PALS2: variants seen among roughly 807,000 people sequenced by gnomAD.
PALS2 encodes the protein protein associated with LIN7 2, MAGUK p55 family member.
A neutral mutation model predicts 61.6 loss-of-function variants in PALS2; 27 were observed. That is an observed-to-expected ratio of 0.44 (90% CI 0.32 to 0.60). PALS2 has a LOEUF of 0.60. Among genes scored for constraint, PALS2 ranks in the 20% least tolerant of loss-of-function variants. The probability of loss-of-function intolerance (pLI) is 0.05; values close to 1 mark genes in which losing one functional copy is unlikely to be tolerated. For synonymous variants in PALS2, 236 were observed against 218.6 expected, an observed-to-expected ratio of 1.08 and a Z score of -0.70; for missense variants, 554 against 639.4, an observed-to-expected ratio of 0.87 and a Z score of 1.44.
chr7:24,576,348 G>C (rs573755188), intron 1 of PALS2, among the ~76,000 whole-genome samples: 25 of 152,208 alleles, frequency 1.6e-4, no homozygotes, highest in Middle Eastern at 3.4e-3. Flanking sequence ...TCTGACCACT[G>C]GGGGGAGACT....
At chr7:24,686,266 C>A (rs1458860953) in intron 11 of PALS2, among the ~76,000 whole-genome samples, 1 of 152,136 alleles carries the variant, frequency 6.6e-6, no homozygotes, top group Non-Finnish European at 1.5e-5. Flanking sequence ...CCTAGGCAAC[C>A]CTTCTCTCTG....
chr7:24,581,400 C>T (rs186390818), intron 1 of PALS2, among the ~76,000 whole-genome samples: 2 of 152,190 alleles, frequency 1.3e-5, no homozygotes, highest in Admixed American at 6.5e-5. Flanking sequence ...TGAAACTTTC[C>T]AAATGCGGTG....
Position 24,618,831 on chromosome 7 carries a change from G to A in PALS2, c.-2-4835G>A, listed in dbSNP as rs74918908. On this transcript the variant is annotated intron_variant, in intron 1 of 11. Transcript: ENST00000222644. This position sits in a 1 kb window ranked among gnomAD's most constrained non-coding sequence, Gnocchi z 5.1. ...CCTCTCCACTTCCCTGCTGTACTTCGGCACTCTCCCTTCAACACTCCAGTC... is the reference window on the plus strand; with the variant it reads ...CCTCTCCACTTCCCTGCTGTACTTCAGCACTCTCCCTTCAACACTCCAGTC... Among the ~76,000 whole-genome samples, 9,600 of 152,138 alleles carry A rather than the reference G, an allele frequency of 0.063. 353 individuals are homozygous for A. Among genetic ancestry groups the A allele is most frequent in the African/African-American group, 0.093 (3,857 of 41,504 alleles).
intron 2 of PALS2, chr7:24,624,142 G>T: frequency 1.6e-6 from 2 of 1,286,418 alleles, no homozygotes; most frequent in South Asian, 2.6e-5. Context: ...ATTAGACTGT[G>T]TACCTACTTT....
At chr7:24,647,596 C>G (rs1785909309) in intron 3 of PALS2, among the ~76,000 whole-genome samples, 1 of 152,146 alleles carries the variant, frequency 6.6e-6, no homozygotes, top group Non-Finnish European at 1.5e-5. Context: ...TTCTGTTCTA[C>G]ATTATTAGCT....
chr7:24,670,522 G>T (rs1787244035), intron 9 of PALS2, among the ~76,000 whole-genome samples: 1 of 152,060 alleles, frequency 6.6e-6, no homozygotes, highest in Non-Finnish European at 1.5e-5. Flanking sequence ...ACCTTGTTTT[G>T]CTGGGGTACA....
intron 1 of PALS2, among the ~76,000 whole-genome samples, chr7:24,583,058 C>G (rs553861623): frequency 6.6e-6 from 1 of 151,714 alleles, no homozygotes; most frequent in African/African-American, 2.4e-5. Flanking sequence ...CCACGCCCAG[C>G]TAATTTTTGT....
At chr7:24,639,405 TACACACACAC>T (rs10607962) in intron 2 of PALS2, among the ~76,000 whole-genome samples, 2 of 148,548 alleles carry the variant, frequency 1.3e-5, no homozygotes, top group African/African-American at 4.9e-5. Flanking sequence ...CTTTGCTGAA[TACACACACAC>T]ACACACACAC....
intron 1 of PALS2, among the ~76,000 whole-genome samples, chr7:24,583,795 A>T (rs924541640): frequency 6.6e-6 from 1 of 151,722 alleles, no homozygotes; most frequent in Non-Finnish European, 1.5e-5. Flanking sequence ...ATATCTCCCA[A>T]TGCTATCCCT....
chr7:24,613,447 C>G (rs528541555), intron 1 of PALS2, among the ~76,000 whole-genome samples: 1 of 151,526 alleles, frequency 6.6e-6, no homozygotes, highest in East Asian at 1.9e-4. Context: ...TTATTTGTGT[C>G]TTGCCTTTTT....
At chr7:24,674,417 G>A (rs1346477615) in intron 9 of PALS2, 2 of 153,208 alleles carry the variant, frequency 1.3e-5, no homozygotes, top group Non-Finnish European at 2.9e-5. Flanking sequence ...GCTCACCACA[G>A]TGCTGATCTT....
chr7:24,636,925 G>A (rs1291961164), intron 2 of PALS2, among the ~76,000 whole-genome samples: 3 of 151,872 alleles, frequency 2.0e-5, no homozygotes, highest in Non-Finnish European at 4.4e-5. Flanking sequence ...AATTTTATTG[G>A]GCCTTTTTTG....
intron 2 of PALS2, among the ~76,000 whole-genome samples, chr7:24,630,345 AG>A (rs754496941): frequency 2.0e-5 from 3 of 152,056 alleles, no homozygotes; most frequent in South Asian, 4.2e-4. Context: ...TTGGGAGGCA[AG>A]GGGAGGGGGG....
chr7:24,639,729 C>G (rs763687418), intron 2 of PALS2, among the ~76,000 whole-genome samples: 2 of 147,818 alleles, frequency 1.4e-5, no homozygotes, highest in Non-Finnish European at 3.0e-5. Context: ...GTGTCCTCAT[C>G]TTCTCATCCT....
chr7:24,586,923 C>T (rs982199312), intron 1 of PALS2, among the ~76,000 whole-genome samples: 23 of 152,084 alleles, frequency 1.5e-4, no homozygotes, highest in African/African-American at 3.6e-4. Context: ...CAAGGAATTC[C>T]GAGGCAAAGG....
At chr7:24,639,082 G>A (rs1251424027) in intron 2 of PALS2, among the ~76,000 whole-genome samples, 18 of 152,126 alleles carry the variant, frequency 1.2e-4, no homozygotes, top group Admixed American at 1.2e-3. Flanking sequence ...CGGTGTAATG[G>A]AATTAACACA....
chr7:24,662,703 A>G (rs1449483280), intron 5 of PALS2, among the ~76,000 whole-genome samples: 1 of 140,936 alleles, frequency 7.1e-6, no homozygotes, highest in African/African-American at 2.5e-5. Flanking sequence ...TGGGAGGCGG[A>G]GGTTGCGGTG....
Position 24,687,597 on chromosome 7 carries a change from A to G in PALS2, c.1606A>G (p.Ile536Val), listed in dbSNP as rs779650765. 59 of 1,608,060 alleles carry G rather than the reference A, an allele frequency of 3.7e-5. No homozygotes were observed. The highest frequency in any genetic ancestry group is 2.5e-4 in the East Asian group (11 of 44,678). ...GAGAATGGAACCACAGTGGGTCCCA[A>G]TCAGCTGGGTTTACTGATGATTCAG... ...KLRMEPQWVP[I>V]SWVY The change falls in exon 12 of 12, where the codon ATC becomes GTC. Residue 536 changes from isoleucine to valine, a missense_variant. Ile to Val is a conservative substitution (Grantham distance 29). Coordinates refer to ENST00000222644, the MANE Select transcript of PALS2 (RefSeq NM_001303037.2). The surrounding 1 kb of genome is among the most constrained non-coding windows in gnomAD (Gnocchi z 4.5).
chr7:24,632,803 T>G (rs1418344827), intron 2 of PALS2, among the ~76,000 whole-genome samples: 2 of 152,198 alleles, frequency 1.3e-5, no homozygotes, highest in South Asian at 2.1e-4. Context: ...CTGCCTGCCT[T>G]CCTTTTTTCC....
Sources: allele counts gnomAD v4.1 joint callset (sites outside exome capture counted in the v4.1 genomes callset), GRCh38; gene constraint gnomAD v4.1.1; non-coding constraint Gnocchi (gnomAD v3.1); transcripts MANE v1.5; gene names NCBI Gene and HGNC (gene_info 2026-07-23, HGNC 2026-07-21).